The following ADGRB3 variants were observed in gnomAD, a reference collection of about 807,000 sequenced individuals.
ADGRB3 encodes the protein brain-specific angiogenesis inhibitor 3.
ADGRB3 carries 37 observed loss-of-function variants against 193.4 expected under a neutral mutation model. The ratio of observed to expected loss-of-function variants is 0.19; its 90% confidence interval spans 0.15 to 0.25. The LOEUF is 0.25. Ranked by LOEUF, ADGRB3 falls within the 10% of genes least tolerant of loss-of-function variation. The pLI, the probability that ADGRB3 is intolerant of heterozygous loss-of-function variation, is 1.00. For synonymous variants in ADGRB3, 690 were observed against 644.2 expected (o/e 1.07, Z -1.08); for missense variants, 1,637 against 1,852.9 (o/e 0.88, Z 2.14).
intron 17 of ADGRB3, among the ~76,000 whole-genome samples, chr6:69,161,704 T>G: frequency 6.6e-6 from 1 of 152,120 alleles, no homozygotes; most frequent in South Asian, 2.1e-4. Context: ...TGGTCTCATT[T>G]GAAGGTTTGA....
intron 3 of ADGRB3, among the ~76,000 whole-genome samples, chr6:68,765,207 T>A (rs546059167): frequency 1.3e-5 from 2 of 152,288 alleles, no homozygotes; most frequent in South Asian, 4.1e-4. Context: ...CTCTTTATAA[T>A]GTTGAATAGC....
rs183722511 is a variant in ADGRB3 at position 69,217,153 on chromosome 6, C to T, written c.2481-16137C>T. On this transcript the variant is annotated intron_variant, in intron 17 of 31. Coordinates refer to ENST00000370598, the MANE Select transcript of ADGRB3 (RefSeq NM_001704.3). ...GTTTCTTTGAGTCCTGAGTGGGTGG[C>T]GCAGATGTCTCACCCAAAAGAGTCG... Among the ~76,000 whole-genome samples the T allele has an allele frequency of 4.1e-3, 630 of 152,152 alleles. 1 individual carries two copies. The highest frequency in any genetic ancestry group is 7.0e-3 in the Non-Finnish European group (473 of 68,004).
At chr6:69,129,325 G>A (rs1219910273) in intron 17 of ADGRB3, among the ~76,000 whole-genome samples, 1 of 152,078 alleles carries the variant, frequency 6.6e-6, no homozygotes, top group Non-Finnish European at 1.5e-5. Flanking sequence ...TTTTAAAATT[G>A]CAGATGATGC....
At chr6:69,191,133 C>G (rs1277242661) in intron 17 of ADGRB3, among the ~76,000 whole-genome samples, 3 of 152,174 alleles carry the variant, frequency 2.0e-5, no homozygotes, top group Non-Finnish European at 4.4e-5. Context: ...TGCCTATTGG[C>G]AGCCTCCAAA....
chr6:68,888,711 G>A (rs940294643), intron 3 of ADGRB3, among the ~76,000 whole-genome samples: 11 of 152,104 alleles, frequency 7.2e-5, no homozygotes, highest in African/African-American at 2.4e-5. Flanking sequence ...GGAAATGGAG[G>A]CTTATTATAT....
At chr6:69,382,797 T>A (rs369331865) in intron 30 of ADGRB3, 34 bp from the exon 31 acceptor site, 1 of 1,421,416 alleles carries the variant, frequency 7.0e-7, no homozygotes, top group Non-Finnish European at 9.7e-7. Flanking sequence ...ATACATCAAG[T>A]TGGGGATGAG....
chr6:69,052,050 C>T (rs367850238), intron 15 of ADGRB3, among the ~76,000 whole-genome samples: 57 of 152,224 alleles, frequency 3.7e-4, no homozygotes, highest in East Asian at 3.3e-3. Context: ...ACCACCACGC[C>T]GGGCTAATTT....
intron 3 of ADGRB3, among the ~76,000 whole-genome samples, chr6:68,772,454 G>C (rs965127562): frequency 2.6e-5 from 4 of 152,000 alleles, no homozygotes; most frequent in Admixed American, 1.3e-4. Context: ...GTTTTGGAAG[G>C]CTCTGTGAAA....
chr6:69,085,039 A>T (rs3799028), intron 17 of ADGRB3, among the ~76,000 whole-genome samples: 26 of 151,822 alleles, frequency 1.7e-4, no homozygotes, highest in Admixed American at 1.7e-3. Flanking sequence ...TAAAGGTATC[A>T]TATACTTTGG....
intron 3 of ADGRB3, among the ~76,000 whole-genome samples, chr6:68,798,632 T>C (rs1214822048): frequency 6.6e-6 from 1 of 152,124 alleles, no homozygotes; most frequent in Non-Finnish European, 1.5e-5. Context: ...TGTATACCTA[T>C]GTAACAAAAC....
At chr6:68,777,624 G>A (rs1444254451) in intron 3 of ADGRB3, among the ~76,000 whole-genome samples, 1 of 147,398 alleles carries the variant, frequency 6.8e-6, no homozygotes, top group African/African-American at 2.6e-5. Context: ...ATTGCTAATG[G>A]GACCAAAGGG....
intron 26 of ADGRB3, among the ~76,000 whole-genome samples, chr6:69,343,341 C>G (rs371875642): frequency 2.4e-5 from 3 of 126,094 alleles, no homozygotes; most frequent in Admixed American, 8.7e-5. Context: ...CCCCTCCCCC[C>G]ACCCCACCAC....
intron 16 of ADGRB3, among the ~76,000 whole-genome samples, chr6:69,066,173 C>CAT (rs967622992): frequency 6.6e-6 from 1 of 151,156 alleles, no homozygotes; most frequent in Non-Finnish European, 1.5e-5. Context: ...TATACATCCA[C>CAT]ATATATATAT....
chr6:69,188,903 CT>C (rs2150354049), intron 17 of ADGRB3, among the ~76,000 whole-genome samples: 1 of 151,956 alleles, frequency 6.6e-6, no homozygotes, highest in African/African-American at 2.4e-5. Context: ...TTATAAATGC[CT>C]TTTTATATGT....
chr6:68,923,041 T>A, intron 3 of ADGRB3, among the ~76,000 whole-genome samples: 1 of 152,130 alleles, frequency 6.6e-6, no homozygotes, highest in Middle Eastern at 3.2e-3. Flanking sequence ...TAAGATGGAA[T>A]TAGAGTTATT....
intron 8 of ADGRB3, 143 bp downstream of exon 8, chr6:68,956,952 C>T (rs1247232702): frequency 1.2e-6 from 1 of 869,366 alleles, no homozygotes; most frequent in Non-Finnish European, 1.7e-6. Flanking sequence ...TGTTTCTGTA[C>T]TATGTGGGGC....
intron 26 of ADGRB3, 62 bp downstream of exon 26, chr6:69,339,566 G>T (rs1037257428): frequency 6.6e-6 from 10 of 1,520,392 alleles, no homozygotes; most frequent in Middle Eastern, 1.7e-4. Context: ...TTGCTAAAAA[G>T]AATGATCTTT....
chr6:68,778,082 C>T (rs1766783519), intron 3 of ADGRB3, among the ~76,000 whole-genome samples: 1 of 152,116 alleles, frequency 6.6e-6, no homozygotes, highest in African/African-American at 2.4e-5. Flanking sequence ...TAGCCAGTCA[C>T]AGACATCACA....
chr6:68,721,656 A>AT (rs1161392526), intron 3 of ADGRB3, among the ~76,000 whole-genome samples: 1 of 139,540 alleles, frequency 7.2e-6, no homozygotes, highest in African/African-American at 2.6e-5. Flanking sequence ...ATATATATAT[A>AT]AATTATCATC....
Sources: allele counts gnomAD v4.1 joint callset (sites outside exome capture counted in the v4.1 genomes callset), GRCh38; gene constraint gnomAD v4.1.1; transcripts MANE v1.5; gene names NCBI Gene and HGNC (gene_info 2026-07-23, HGNC 2026-07-21).